The following NETO1 variants were observed in gnomAD, a reference collection of about 807,000 sequenced individuals.
The protein encoded by NETO1 is neuropilin and tolloid like 1, also known as neuropilin and tolloid-like protein 1.
Under a neutral mutation model 61.3 loss-of-function variants are expected in NETO1, and 26 were observed. The ratio of observed to expected loss-of-function variants is 0.42; its 90% CI spans 0.31 to 0.59. The LOEUF (loss-of-function observed/expected upper bound fraction) is 0.59. NETO1 is among the 20% of genes least tolerant of loss of function. The pLI, the probability that NETO1 is intolerant of heterozygous loss-of-function variation, is 0.12. For synonymous variants in NETO1, 225 were observed against 225.8 expected (o/e 1.00, Z 0.03); for missense variants, 531 against 662.8 (o/e 0.80, Z 2.18).
intron 8 of NETO1, among the ~76,000 whole-genome samples, chr18:72,751,512 C>G (rs2070616220): frequency 1.3e-5 from 2 of 152,152 alleles, no homozygotes; most frequent in South Asian, 4.1e-4. Context: ...CCAACCAGGT[C>G]CATGTTGGAC....
At chr18:72,841,422 A>AGAT (rs5826211) in intron 4 of NETO1, among the ~76,000 whole-genome samples, 145,730 of 151,756 alleles carry the variant, frequency 0.96, 70,059 homozygotes, top group Non-Finnish European at 0.99. Context: ...AGCAATTGGC[A>AGAT]GAGAAATCAA....
chr18:72,846,534 A>AAAAAAAT (rs2074093515), intron 4 of NETO1, among the ~76,000 whole-genome samples: 1 of 146,906 alleles, frequency 6.8e-6, no homozygotes, highest in African/African-American at 2.5e-5. Flanking sequence ...AAAAAAAAAA[A>AAAAAAAT]GAAGATGCAT....
rs1452930924 is a variant in NETO1, at chr18:72,814,145, T to C, written c.470-19741A>G. ...TCCAGTTCAAGCAGAAGGTAAGTGA[T>C]ATTAGGTCCCCAATTTTAGATGCAA... On this transcript the variant is annotated intron_variant, in intron 4 of 10. Transcript: ENST00000327305. 3.3e-5 allele frequency among the ~76,000 whole-genome samples: 5 copies of C among 152,208 alleles called. No individual in the cohort carries two copies. In the South Asian group the frequency reaches 6.2e-4, roughly 19 times the overall value.
intron 4 of NETO1, among the ~76,000 whole-genome samples, chr18:72,799,341 C>T (rs2072425720): frequency 6.6e-6 from 1 of 152,186 alleles, no homozygotes; most frequent in Non-Finnish European, 1.5e-5. Context: ...ATATCTGTTT[C>T]TGTATGGTGT....
chr18:72,850,018 G>A (rs1437953675), intron 4 of NETO1, among the ~76,000 whole-genome samples: 1 of 152,210 alleles, frequency 6.6e-6, no homozygotes, highest in Non-Finnish European at 1.5e-5. Flanking sequence ...GATAATCCAA[G>A]ATAATCTCCC....
intron 4 of NETO1, among the ~76,000 whole-genome samples, chr18:72,826,158 T>C (rs1477352352): frequency 6.6e-6 from 1 of 152,184 alleles, no homozygotes; most frequent in Non-Finnish European, 1.5e-5. Context: ...ACGTTTTTAA[T>C]TAATATATTT....
chr18:72,852,482 C>T lies in NETO1; in HGVS notation c.469+6344G>A, dbSNP rs988352368. ...CGCCGGCTTCAACTTCCCAAAGTGC[C>T]GGGATTACAGGCGTGAGCCACCGTG... On this transcript the variant is annotated intron_variant, in intron 4 of 10. Transcript: ENST00000327305. 7.4e-4 allele frequency among the ~76,000 whole-genome samples: 112 copies of T among 152,154 alleles called. 1 individual carries two copies. The highest frequency in any genetic ancestry group is 7.7e-4 in the African/African-American group (32 of 41,526).
chr18:72,816,805 T>C (rs184335082), intron 4 of NETO1, among the ~76,000 whole-genome samples: 1 of 152,056 alleles, frequency 6.6e-6, no homozygotes, highest in Admixed American at 6.5e-5. Flanking sequence ...TTTTTAGTTC[T>C]CAAGTCTGCA....
At chr18:72,787,857 C>T (rs749290000) in intron 6 of NETO1, among the ~76,000 whole-genome samples, 1 of 152,050 alleles carries the variant, frequency 6.6e-6, no homozygotes, top group Non-Finnish European at 1.5e-5. Flanking sequence ...AAGTTATATT[C>T]TTAAAGAAAA....
rs2074701222 is a variant in NETO1, at chr18:72,865,256, A to G, written c.29-15T>C. ...ACTTGCTACAACTGAAACAGAAAAG[A>G]AAAATTAGAGATAAAATACACTGAA... is the stretch of plus-strand genomic sequence containing the variant. On this transcript the variant is annotated splice_polypyrimidine_tract_variant and intron_variant, in intron 1 of 10. Transcript: ENST00000327305. 6.3e-7 allele frequency: 1 copy of G among 1,597,308 alleles called. No homozygotes were observed. The highest frequency in any genetic ancestry group is 1.7e-5 in the Admixed American group (1 of 59,492).
At chr18:72,752,498 T>A (rs1373111825) in intron 8 of NETO1, among the ~76,000 whole-genome samples, 2 of 152,188 alleles carry the variant, frequency 1.3e-5, no homozygotes, top group Non-Finnish European at 1.5e-5. Context: ...TCCAGCCAAG[T>A]CTACATTTAG....
At chr18:72,778,786 G>T (rs774814999) in intron 7 of NETO1, among the ~76,000 whole-genome samples, 1 of 152,106 alleles carries the variant, frequency 6.6e-6, no homozygotes, top group Non-Finnish European at 1.5e-5. Flanking sequence ...TAATGGTCTT[G>T]TTCATGGCAA....
chr18:72,838,047 C>A (rs1474114450), intron 4 of NETO1, among the ~76,000 whole-genome samples: 1 of 152,190 alleles, frequency 6.6e-6, no homozygotes, highest in Non-Finnish European at 1.5e-5. Flanking sequence ...AATAGCCACA[C>A]AAAACATTCT....
Position 72,806,747 on chromosome 18 carries a change from T to A in NETO1, c.470-12343A>T, listed in dbSNP as rs139441799. Reference sequence around the variant, plus strand: ...TCCTTGTTCTCATTCAATTCCCAGATGACTGACTTCCATTTCTTAGACCTG... The same window carrying A: ...TCCTTGTTCTCATTCAATTCCCAGAAGACTGACTTCCATTTCTTAGACCTG... On this transcript the variant is annotated intron_variant, in intron 4 of 10. Transcript: ENST00000327305. 1.8e-4 allele frequency among the ~76,000 whole-genome samples: 28 copies of A among 152,314 alleles called. No homozygotes were observed. In the East Asian group the frequency reaches 5.2e-3, roughly 28 times the overall value.
At chr18:72,814,178 T>C (rs1445501549) in intron 4 of NETO1, among the ~76,000 whole-genome samples, 1 of 151,972 alleles carries the variant, frequency 6.6e-6, no homozygotes, top group Non-Finnish European at 1.5e-5. Flanking sequence ...CAAAAAGGAA[T>C]AAAGAATAAG....
intron 4 of NETO1, among the ~76,000 whole-genome samples, chr18:72,831,211 A>G (rs548593017): frequency 6.0e-4 from 91 of 152,254 alleles, no homozygotes; most frequent in African/African-American, 2.1e-3. Context: ...CATGATTTCT[A>G]CCACCACCTC....
chr18:72,822,432 G>A (rs1040690432), intron 4 of NETO1, among the ~76,000 whole-genome samples: 11 of 152,170 alleles, frequency 7.2e-5, no homozygotes, highest in African/African-American at 9.7e-5. Flanking sequence ...CAGGAGCACC[G>A]CCACCGTCCC....
chr18:72,836,144 CTT>C (rs1473357846), intron 4 of NETO1, among the ~76,000 whole-genome samples: 1 of 152,176 alleles, frequency 6.6e-6, no homozygotes, highest in African/African-American at 2.4e-5. Flanking sequence ...TCACCGCCTT[CTT>C]TTAGAGCCCA....
chr18:72,750,037 C>A, intron 9 of NETO1, 25 bp downstream of exon 9: 1 of 1,499,806 alleles, frequency 6.7e-7, no homozygotes, highest in South Asian at 1.3e-5. Context: ...TTATAGTTGT[C>A]ATCAAAAAAT....
Sources: gnomAD v4.1 joint callset for allele counts (sites outside exome capture counted in the v4.1 genomes callset) on GRCh38, gnomAD v4.1.1 for gene constraint, MANE v1.5 for transcripts, NCBI Gene and HGNC (gene_info 2026-07-23, HGNC 2026-07-21) for gene names.